Variants in SCRG1 observed in about 807,000 individuals in gnomAD.
SCRG1 encodes stimulator of chondrogenesis 1.
Under a neutral mutation model 7.7 loss-of-function variants are expected in SCRG1, and 3 were observed. The observed-to-expected ratio is 0.39, with a 90% confidence interval of 0.18 to 1.01. SCRG1 has a LOEUF of 1.01. SCRG1 is among the 50% of genes least tolerant of loss of function. The pLI is 0.36. For synonymous variants in SCRG1, 46 were observed against 41.2 expected (o/e 1.12, Z -0.44); for missense variants, 110 against 117.2 (o/e 0.94, Z 0.28).
At chr4:173,430,806 C>CA in the SCRG1 span, among the ~76,000 whole-genome samples, 91 of 59,086 alleles carry the variant, frequency 1.5e-3, 3 homozygotes, top group African/African-American at 6.1e-3. Flanking sequence ...GACCCTGTCT[C>CA]AAAAAAAAAA....
At chr4:173,483,942 A>ATCATATATAATATATTATATATTTTAT in the SCRG1 span, among the ~76,000 whole-genome samples, 6 of 92,134 alleles carry the variant, frequency 6.5e-5, no homozygotes, top group African/African-American at 2.2e-4. Context: ...ATATAATATA[A>ATCATATATAATATATTATATATTTTAT]ATCATATATA....
the SCRG1 span, among the ~76,000 whole-genome samples, chr4:173,492,700 A>T: frequency 6.6e-6 from 1 of 152,188 alleles, no homozygotes; most frequent in Non-Finnish European, 1.5e-5. Flanking sequence ...TAGTGGCCTA[A>T]CTGGCCACTG....
the SCRG1 span, among the ~76,000 whole-genome samples, chr4:173,507,037 C>T: frequency 5.9e-5 from 9 of 152,210 alleles, no homozygotes; most frequent in African/African-American, 1.4e-4. The surrounding 1 kb of genome is among the most constrained non-coding windows in gnomAD (Gnocchi z 4.4). Context: ...TGCTGCGCTG[C>T]GGCGGCCAGA....
chr4:173,407,141 A>G (rs1739929693), upstream of SCRG1, among the ~76,000 whole-genome samples: 1 of 151,742 alleles, frequency 6.6e-6, no homozygotes, highest in Non-Finnish European at 1.5e-5. Flanking sequence ...CCTGGGAGGC[A>G]GAAGTTGCAG....
the SCRG1 span, among the ~76,000 whole-genome samples, chr4:173,435,501 T>A: frequency 1.3e-5 from 2 of 152,190 alleles, no homozygotes; most frequent in Non-Finnish European, 2.9e-5. Flanking sequence ...CTTTCACTCA[T>A]CAGTGATTTT....
At chr4:173,404,855 A>G (rs949561755) in intron 1 of SCRG1, among the ~76,000 whole-genome samples, 1 of 152,136 alleles carries the variant, frequency 6.6e-6, no homozygotes, top group African/African-American at 2.4e-5. Context: ...TGAGTATATG[A>G]TTCTAAATAT....
chr4:173,424,473 G>A, the SCRG1 span, among the ~76,000 whole-genome samples: 2 of 152,174 alleles, frequency 1.3e-5, no homozygotes, highest in South Asian at 4.1e-4. Context: ...CTTATTAAAA[G>A]CAGATGATAT....
chr4:173,462,414 T>C, the SCRG1 span, among the ~76,000 whole-genome samples: 1 of 152,084 alleles, frequency 6.6e-6, no homozygotes, highest in South Asian at 2.1e-4. Context: ...ATATTTAAAG[T>C]GCTGAAGAAA....
the SCRG1 span, among the ~76,000 whole-genome samples, chr4:173,502,032 G>A: frequency 1.3e-5 from 2 of 152,186 alleles, no homozygotes; most frequent in Non-Finnish European, 2.9e-5. The surrounding 1 kb of genome is among the most constrained non-coding windows in gnomAD (Gnocchi z 4.6). Flanking sequence ...GTTAATGGAA[G>A]GAAGGGAGGG....
the SCRG1 span, among the ~76,000 whole-genome samples, chr4:173,456,566 C>A: frequency 2.0e-5 from 3 of 152,186 alleles, no homozygotes; most frequent in Non-Finnish European, 4.4e-5. Context: ...GTTCCTTTAT[C>A]ATTTTTTAAA....
intron 2 of SCRG1, among the ~76,000 whole-genome samples, chr4:173,390,347 C>G (rs986244279): frequency 2.0e-5 from 3 of 152,092 alleles, no homozygotes; most frequent in African/African-American, 7.2e-5. Flanking sequence ...TTGTCTTGAA[C>G]TTCTATCTAG....
upstream of SCRG1, among the ~76,000 whole-genome samples, chr4:173,408,631 T>C (rs142839560): frequency 5.8e-4 from 89 of 152,220 alleles, no homozygotes; most frequent in African/African-American, 2.1e-3. Flanking sequence ...AATGAAGGGT[T>C]TAAGAATATC....
the SCRG1 span, among the ~76,000 whole-genome samples, chr4:173,441,875 T>C: frequency 6.6e-6 from 1 of 152,120 alleles, no homozygotes; most frequent in Non-Finnish European, 1.5e-5. Flanking sequence ...CAAGACCCTG[T>C]CTCTCAATTT....
At chr4:173,479,431 G>GTTTT in the SCRG1 span, among the ~76,000 whole-genome samples, 2 of 130,018 alleles carry the variant, frequency 1.5e-5, no homozygotes, top group Non-Finnish European at 3.3e-5. Flanking sequence ...TTTTTTGTTT[G>GTTTT]TTTGTTTTTT....
At chr4:173,460,132 G>A in the SCRG1 span, among the ~76,000 whole-genome samples, 1 of 152,108 alleles carries the variant, frequency 6.6e-6, no homozygotes, top group African/African-American at 2.4e-5. Flanking sequence ...CCAAAACTCA[G>A]GTGAGCACTC....
the SCRG1 span, among the ~76,000 whole-genome samples, chr4:173,481,179 C>G: frequency 1.1e-4 from 16 of 152,246 alleles, no homozygotes; most frequent in Admixed American, 8.5e-4. Flanking sequence ...ATCAATTTCC[C>G]TTTAATTATC....
At chr4:173,499,906 C>A in the SCRG1 span, among the ~76,000 whole-genome samples, 1 of 152,228 alleles carries the variant, frequency 6.6e-6, no homozygotes, top group African/African-American at 2.4e-5. The surrounding 1 kb of genome is among the most constrained non-coding windows in gnomAD (Gnocchi z 4.1). Flanking sequence ...CCATATTGAG[C>A]AACACCGGGT....
chr4:173,413,277 G>A, the SCRG1 span, among the ~76,000 whole-genome samples: 1 of 152,146 alleles, frequency 6.6e-6, no homozygotes, highest in Non-Finnish European at 1.5e-5. Context: ...GCCCACCTAA[G>A]GTGAAAAAAT....
upstream of SCRG1, among the ~76,000 whole-genome samples, chr4:173,402,881 C>T (rs1004150248): frequency 4.6e-4 from 70 of 152,294 alleles, no homozygotes; most frequent in African/African-American, 1.7e-3. Flanking sequence ...TGAAAACTAA[C>T]TCACAATATG....
Sources: gnomAD v4.1 joint callset for allele counts (sites outside exome capture counted in the v4.1 genomes callset) on GRCh38, gnomAD v4.1.1 for gene constraint, Gnocchi (gnomAD v3.1) non-coding constraint, MANE v1.5 for transcripts, NCBI Gene and HGNC (gene_info 2026-07-23, HGNC 2026-07-21) for gene names.